The following PRRT4 variants were observed in gnomAD, a reference collection of about 807,000 sequenced individuals.
The protein encoded by PRRT4 is proline rich transmembrane protein 4.
PRRT4 carries 59 observed loss-of-function variants against 55.6 expected under a neutral mutation model. The observed-to-expected ratio is 1.06, with a 90% CI of 0.86 to 1.32. The LOEUF is 1.32. PRRT4 is among the 40% of genes most tolerant of loss of function. The pLI is 0.00. For synonymous variants in PRRT4, 606 were observed against 601.8 expected, an observed-to-expected ratio of 1.01 and a Z score of -0.10; for missense variants, 1,217 against 1,222.0, an observed-to-expected ratio of 1.00 and a Z score of 0.06.
chr7:128,353,457 G>A (rs1584681359), intron 4 of PRRT4, among the ~76,000 whole-genome samples: 2 of 149,928 alleles, frequency 1.3e-5, no homozygotes, highest in East Asian at 2.0e-4. Flanking sequence ...ACACATACAC[G>A]CACACACACA....
intron 4 of PRRT4, among the ~76,000 whole-genome samples, chr7:128,357,234 ACACTCT>A (rs1337294208): frequency 9.0e-5 from 11 of 122,224 alleles, no homozygotes; most frequent in African/African-American, 3.6e-4. Context: ...ACACACACAC[ACACTCT>A]CTCTCTCTCT....
At chr7:128,350,670 G>T (rs1301023696), downstream of PRRT4, 1 of 885,298 alleles carries the variant, frequency 1.1e-6, no homozygotes, top group Admixed American at 2.9e-5. Context: ...TCCAGAGAAG[G>T]TGGCACTGAT....
At position 128,360,989 on chromosome 7, in the gene PRRT4, A is replaced by G. The variant is rs930150808; in HGVS notation, c.-73+572T>C. 1.9e-4 allele frequency among the ~76,000 whole-genome samples: 28 copies of G among 148,904 alleles called. 1 individual carries two copies. Among genetic ancestry groups the G allele is most frequent in the East Asian group, 4.0e-4 (2 of 5,036 alleles). On this transcript the variant is annotated intron_variant, in intron 1 of 4. Transcript: ENST00000535159. The stretch of plus-strand genomic sequence containing the variant: ...CCCCTGCCCCTGCACGCGCGCGCGC[A>G]CACACACACACACACTCCGTCCTGC...
rs756721452 is a variant in PRRT4 at position 128,352,355 on chromosome 7, GCGCCAGGCAGGGGGCGCCGGGCGGGCAC to G, written c.1173_1200del (p.Pro393TrpfsTer169). 1.3e-6 allele frequency: 2 copies of G among 1,526,854 alleles called. No homozygotes were observed. Among genetic ancestry groups the G allele is most frequent in the Middle Eastern group, 1.7e-4 (1 of 5,888 alleles). 94.6% of individuals were successfully genotyped at this position (1,526,854 alleles called of 1,614,324 possible). ...GCCGACAGCAGCAGCAGGTCCAGCA[GCGCCAGGCAGGGGGCGCCGGGCGGGCAC>G]CGCCAGGGCAAGAGGGCCAGAGCCA... On this transcript the variant is annotated frameshift_variant, in exon 5 of 5. Transcript: ENST00000535159. LOFTEE classifies it high-confidence loss of function.
At chr7:128,352,105 C>G (rs1796996175) in exon 5 of PRRT4, 1 of 1,156,852 alleles carries the variant, frequency 8.6e-7, no homozygotes, top group South Asian at 4.2e-5. Flanking sequence ...CGCGGCGCTC[C>G]CGAGGGCGGC....
chr7:128,359,460 G>A (rs1036855251), exon 2 of PRRT4: 18 of 1,462,468 alleles, frequency 1.2e-5, no homozygotes, highest in Middle Eastern at 1.8e-4. Flanking sequence ...TCAAACTTCA[G>A]CTCCAGCTCG....
exon 5 of PRRT4, chr7:128,351,569 G>A: frequency 6.7e-7 from 1 of 1,499,924 alleles, no homozygotes; most frequent in Middle Eastern, 2.1e-4. Context: ...GCGCTCCCCA[G>A]GGGCTCCTTG....
intron 4 of PRRT4, among the ~76,000 whole-genome samples, chr7:128,357,244 T>A (rs62481085): frequency 0.7 from 92,193 of 132,642 alleles, 31,978 homozygotes; most frequent in Middle Eastern, 0.8. Context: ...ACACTCTCTC[T>A]CTCTCTCTCT....
In PRRT4 at chr7:128,359,324, T is replaced by G. The variant is rs1409281934; in HGVS notation, c.652+16A>C. 2.0e-6 allele frequency: 3 copies of G among 1,504,496 alleles called. No homozygotes were observed. In the East Asian group the frequency reaches 7.4e-5, roughly 37 times the overall value. 93.2% of individuals were successfully genotyped at this position (1,504,496 alleles called of 1,614,324 possible). A position where few individuals can be genotyped will look rare whatever the true frequency, so the allele number is the denominator to read the frequency against. On this transcript the variant is annotated intron_variant, in intron 2 of 4. Coordinates refer to ENST00000535159, the Ensembl canonical transcript of PRRT4. ...TGCCCAGCAGGGGCTTTCCTTGGGA[T>G]GGGGTGGTTACTCACCAAAGGGTCC...
Position 128,359,760 on chromosome 7 carries a change from A to C in PRRT4, c.232T>G (p.Ser78Ala), listed in dbSNP as rs1187414882. The change falls in exon 2 of 5, where the codon TCT becomes GCT. Residue 78 changes from serine (S) to alanine (A), a missense_variant. Physicochemically the swap from Ser to Ala is moderately conservative, Grantham distance 99. This residue lies in a region of PRRT4 where 564 missense variants were observed against 592.9 expected (regional missense o/e 0.95). Transcript: ENST00000535159. ...CCTGGCTCCTGGCCTGGCCCAAGAG[A>C]GAGTGGCTGGGTCTCTGTGACTGGG... 13 of 1,548,704 alleles carry C rather than the reference A, an allele frequency of 8.4e-6. No homozygotes were observed. The Admixed American group carries it at 1.6e-4, about 19-fold the overall frequency.
At chr7:128,359,306 C>G (rs375015156) in intron 2 of PRRT4, 34 bp downstream of exon 3, 8 of 1,521,062 alleles carry the variant, frequency 5.3e-6, no homozygotes, top group South Asian at 1.3e-5. Flanking sequence ...GGGTGCCCAG[C>G]AGGGGCTTTC....
At chr7:128,350,760 G>A, downstream of PRRT4, 2 of 1,491,160 alleles carry the variant, frequency 1.3e-6, no homozygotes, top group Admixed American at 2.1e-5. Context: ...AGGTATCTGA[G>A]CCAGGGAGGA....
chr7:128,353,106 CTTAAA>C (rs1420119589), intron 4 of PRRT4, among the ~76,000 whole-genome samples: 1 of 152,082 alleles, frequency 6.6e-6, no homozygotes, highest in Non-Finnish European at 1.5e-5. Context: ...AATCTCCATA[CTTAAA>C]TTAGTTTCTG....
Position 128,358,935 on chromosome 7 carries a change from A to C in PRRT4, c.758-135T>G, listed in dbSNP as rs151268540. 7.3e-7 allele frequency: 1 copy of C among 1,367,574 alleles called. No homozygotes were observed. Among genetic ancestry groups the C allele is most frequent in the African/African-American group, 1.5e-5 (1 of 68,202 alleles). 84.7% of individuals were successfully genotyped at this position (1,367,574 alleles called of 1,614,324 possible). A position where few individuals can be genotyped will look rare whatever the true frequency, so the allele number is the denominator to read the frequency against. ...GTCCCAGGAATTGTAGCCACATGCT[A>C]AGCTCATGTACACCATGAGCTAAGC... On this transcript the variant is annotated intron_variant, in intron 3 of 4. Transcript: ENST00000535159. This position sits in a 1 kb window ranked among gnomAD's most constrained non-coding sequence, Gnocchi z 4.4.
exon 2 of PRRT4, chr7:128,359,894 G>A: frequency 4.8e-6 from 7 of 1,464,372 alleles, no homozygotes; most frequent in Non-Finnish European, 6.3e-6. Context: ...AGTGGTGGCA[G>A]GGGCACCTGG....
exon 1 of PRRT4, chr7:128,361,661 C>A (rs1377802275): frequency 6.6e-6 from 1 of 152,462 alleles, no homozygotes; most frequent in Non-Finnish European, 1.5e-5. Flanking sequence ...GCGAAGCCGC[C>A]CGCGCCGGGG....
chr7:128,351,941 T>G, exon 5 of PRRT4: 5 of 1,294,072 alleles, frequency 3.9e-6, no homozygotes, highest in Non-Finnish European at 4.9e-6. Flanking sequence ...GGCAGGGGTG[T>G]GGCGCCCTTG....
chr7:128,351,576 C>T (rs1187974292), exon 5 of PRRT4: 2 of 1,500,990 alleles, frequency 1.3e-6, no homozygotes, highest in South Asian at 1.3e-5. Context: ...CCAGGGGCTC[C>T]TTGTCTGGGG....
intron 4 of PRRT4, among the ~76,000 whole-genome samples, chr7:128,354,503 G>C (rs1419135030): frequency 6.6e-6 from 1 of 152,194 alleles, no homozygotes; most frequent in African/African-American, 2.4e-5. Flanking sequence ...GGCGGAGGTT[G>C]CAGTAAGCAG....
Sources: allele counts gnomAD v4.1 joint callset (sites outside exome capture counted in the v4.1 genomes callset), GRCh38; gene constraint gnomAD v4.1.1; regional missense constraint gnomAD v4.1.1; non-coding constraint Gnocchi (gnomAD v3.1); transcripts MANE v1.5; gene names NCBI Gene and HGNC (gene_info 2026-07-23, HGNC 2026-07-21).